CLASP2: variants seen among roughly 807,000 people sequenced by gnomAD.
The protein encoded by CLASP2 is cytoplasmic linker associated protein 2.
In CLASP2, 47 loss-of-function variants were observed where a neutral mutation model predicts 194.4. That is an observed-to-expected ratio of 0.24 (90% CI 0.19 to 0.31). The LOEUF is 0.31. CLASP2 is among the 10% of genes least tolerant of loss of function. The pLI, the probability that CLASP2 is intolerant of heterozygous loss-of-function variation, is 1.00. For missense variants in CLASP2, 1,445 were observed against 1,823.6 expected (o/e 0.79, Z 3.78); for synonymous variants, 619 against 633.5 (o/e 0.98, Z 0.34).
chr3:33,578,373 T>C (rs2065336490), intron 23 of CLASP2, among the ~76,000 whole-genome samples: 1 of 152,212 alleles, frequency 6.6e-6, no homozygotes, highest in South Asian at 2.1e-4. Context: ...CACCATAAAG[T>C]TAACTTTTCT....
chr3:33,553,686 T>C (rs1183674050), intron 29 of CLASP2, among the ~76,000 whole-genome samples: 1 of 152,136 alleles, frequency 6.6e-6, no homozygotes, highest in Non-Finnish European at 1.5e-5. Flanking sequence ...ATGACTGTTA[T>C]CAAAAAGATG....
At chr3:33,673,830 T>G (rs1321439821) in intron 6 of CLASP2, among the ~76,000 whole-genome samples, 1 of 151,818 alleles carries the variant, frequency 6.6e-6, no homozygotes, top group Non-Finnish European at 1.5e-5. Flanking sequence ...CCAACAAAGA[T>G]CAAAAGAGAC....
intron 13 of CLASP2, among the ~76,000 whole-genome samples, chr3:33,608,855 T>A (rs187146876): frequency 6.7e-6 from 1 of 149,006 alleles, no homozygotes. Flanking sequence ...CGGGTTCAAG[T>A]GATTCTCTTG....
chr3:33,637,538 A>G (rs1487387694), intron 8 of CLASP2, among the ~76,000 whole-genome samples: 1 of 152,152 alleles, frequency 6.6e-6, no homozygotes, highest in Non-Finnish European at 1.5e-5. Flanking sequence ...CGTATCAAAC[A>G]AAAAAAGAAA....
chr3:33,620,721 C>T (rs973225884), intron 11 of CLASP2, among the ~76,000 whole-genome samples: 1 of 152,140 alleles, frequency 6.6e-6, no homozygotes, highest in African/African-American at 2.4e-5. Context: ...GAGGCAGAGT[C>T]AAGAGTTGCC....
At chr3:33,551,945 T>C (rs987857694) in intron 29 of CLASP2, among the ~76,000 whole-genome samples, 3 of 151,634 alleles carry the variant, frequency 2.0e-5, no homozygotes, top group Non-Finnish European at 2.9e-5. Flanking sequence ...TATAGTTTTT[T>C]TTTTTTTTTT....
At chr3:33,536,064 C>T (rs2057274615) in intron 33 of CLASP2, among the ~76,000 whole-genome samples, 1 of 151,996 alleles carries the variant, frequency 6.6e-6, no homozygotes, top group South Asian at 2.1e-4. Flanking sequence ...CCATGGGTAT[C>T]AGCATCACCA....
chr3:33,710,407 A>G (rs1290680439), intron 1 of CLASP2, among the ~76,000 whole-genome samples: 10 of 152,162 alleles, frequency 6.6e-5, no homozygotes, highest in Non-Finnish European at 8.8e-5. Flanking sequence ...TTATTTCTAT[A>G]TGCCAAAAAA....
intron 24 of CLASP2, 100 bp from the exon 25 acceptor site, chr3:33,573,454 C>T (rs1219914363): frequency 1.1e-5 from 13 of 1,149,096 alleles, no homozygotes; most frequent in Non-Finnish European, 1.7e-5. Context: ...GTTTTAAAAT[C>T]AGTGCAAAGC....
At chr3:33,643,728 T>C (rs146705572) in intron 8 of CLASP2, among the ~76,000 whole-genome samples, 3,750 of 152,074 alleles carry the variant, frequency 0.025, 70 homozygotes, top group Non-Finnish European at 0.04. Flanking sequence ...TTTCTATATT[T>C]AGAATCTCAC....
chr3:33,696,812 G>C (rs1162117538), intron 2 of CLASP2, 43 bp downstream of exon 2: 1 of 1,266,360 alleles, frequency 7.9e-7, no homozygotes, highest in African/African-American at 1.5e-5. Context: ...AAGTCATCAT[G>C]TCAAATCTTA....
rs540586936 is a variant in CLASP2 at position 33,570,700 on chromosome 3, T to C, written c.2763+27A>G. ...ATATACAAATGATACCCTATAGAAA[T>C]AAATAATCTTAAATACTAAAACATA... On this transcript the variant is annotated intron_variant, in intron 26 of 38. Coordinates refer to ENST00000682230, the MANE Select transcript of CLASP2 (RefSeq NM_001365631.1). The C allele has an allele frequency of 2.5e-5, 39 of 1,581,520 alleles. No individual in the cohort carries two copies. The East Asian group carries it at 7.4e-4, about 30-fold the overall frequency.
chr3:33,671,978 G>A (rs2154338296), intron 6 of CLASP2, among the ~76,000 whole-genome samples: 1 of 152,302 alleles, frequency 6.6e-6, no homozygotes, highest in East Asian at 1.9e-4. Flanking sequence ...GCTCAAGGAG[G>A]CCTGCCTGCC....
chr3:33,713,012 C>CAAAAAAAAAAAAAAAAAAA lies in CLASP2; in HGVS notation c.195+4777_195+4795dup, dbSNP rs57940200. Among the ~76,000 whole-genome samples, 112 of 46,990 alleles carry CAAAAAAAAAAAAAAAAAAA rather than the reference C, an allele frequency of 2.4e-3. 2 individuals carry two copies. Among genetic ancestry groups the CAAAAAAAAAAAAAAAAAAA allele is most frequent in the Non-Finnish European group, 3.5e-3 (84 of 23,694 alleles). The allele number at this position is 46,990 out of a possible 152,430, so 30.8% of individuals were successfully genotyped here. On this transcript the variant is annotated intron_variant, in intron 1 of 38. Coordinates refer to ENST00000682230, the MANE Select transcript of CLASP2 (RefSeq NM_001365631.1). ...GGGCGACAAGAGCAAAACTCCACCT[C>CAAAAAAAAAAAAAAAAAAA]AAAAAAAAAAAAAAAAAAAAAAAAA... is the stretch of plus-strand genomic sequence containing the variant.
At chr3:33,648,057 A>C (rs187825023) in intron 7 of CLASP2, among the ~76,000 whole-genome samples, 25 of 152,208 alleles carry the variant, frequency 1.6e-4, no homozygotes, top group African/African-American at 6.0e-4. Flanking sequence ...GTAAGTATAC[A>C]CATAGAAGAA....
intron 34 of CLASP2, among the ~76,000 whole-genome samples, chr3:33,534,150 T>C (rs2056881345): frequency 1.3e-5 from 2 of 152,166 alleles, no homozygotes; most frequent in Admixed American, 6.5e-5. Context: ...TGGGATAGTG[T>C]TGAGAGAAAG....
chr3:33,571,014 A>ATTTTTTTT (rs1276472825), intron 25 of CLASP2, among the ~76,000 whole-genome samples: 1 of 127,742 alleles, frequency 7.8e-6, no homozygotes, highest in South Asian at 2.5e-4. Flanking sequence ...TGTCTCTATA[A>ATTTTTTTT]ATTTTTTTTT....
intron 7 of CLASP2, among the ~76,000 whole-genome samples, chr3:33,652,906 ACT>A (rs778396194): frequency 2.0e-5 from 3 of 152,202 alleles, no homozygotes; most frequent in Non-Finnish European, 4.4e-5. Flanking sequence ...GCTTAAATCC[ACT>A]GTTTCTCTTT....
chr3:33,708,176 A>G (rs1011754901), intron 1 of CLASP2, among the ~76,000 whole-genome samples: 2 of 152,054 alleles, frequency 1.3e-5, no homozygotes, highest in African/African-American at 4.8e-5. Flanking sequence ...TACTCATCGT[A>G]TAACAGAAAG....
Sources: allele counts gnomAD v4.1 joint callset (sites outside exome capture counted in the v4.1 genomes callset), GRCh38; gene constraint gnomAD v4.1.1; transcripts MANE v1.5; gene names NCBI Gene and HGNC (gene_info 2026-07-23, HGNC 2026-07-21).